Variants in RNMT observed in about 807,000 individuals in gnomAD.
RNMT encodes RNA guanine-7 methyltransferase.
Under a neutral mutation model 56.0 loss-of-function variants are expected in RNMT, and 27 were observed. That is an observed-to-expected ratio of 0.48 (90% CI 0.36 to 0.67). The LOEUF is 0.67. RNMT is among the 30% of genes least tolerant of loss of function. The pLI is 0.00. For synonymous variants in RNMT, 184 were observed against 176.2 expected (o/e 1.04, Z -0.35); for missense variants, 519 against 552.1 (o/e 0.94, Z 0.60).
intron 3 of RNMT, among the ~76,000 whole-genome samples, chr18:13,733,521 G>A (rs2044110218): frequency 6.6e-6 from 1 of 152,016 alleles, no homozygotes; most frequent in South Asian, 2.1e-4. Flanking sequence ...GGAATTACAG[G>A]TGTGCACCAC....
intron 3 of RNMT, among the ~76,000 whole-genome samples, chr18:13,732,735 G>GT (rs1298644478): frequency 3.6e-4 from 46 of 127,312 alleles, no homozygotes; most frequent in Non-Finnish European, 6.2e-4. Flanking sequence ...ACAGAGGGGA[G>GT]CCCCCCCTTT....
chr18:13,760,767 G>T lies in RNMT; in HGVS notation c.*788G>T, dbSNP rs1486534979. ...GTGAAAATCCCTCCCATGTAGACAT[G>T]TTGCACATTTTTTCCAAATTTATAC... On this transcript the variant is annotated 3_prime_UTR_variant, in exon 12 of 12. Transcript: ENST00000383314. 1.0e-6 allele frequency: 1 copy of T among 985,194 alleles called. No homozygotes were observed. The highest frequency in any genetic ancestry group is 1.2e-6 in the Non-Finnish European group (1 of 829,862). 61.0% of individuals were successfully genotyped at this position (985,194 alleles called of 1,614,324 possible).
intron 8 of RNMT, among the ~76,000 whole-genome samples, chr18:13,744,739 A>G (rs1050797492): frequency 3.3e-5 from 5 of 152,054 alleles, no homozygotes; most frequent in South Asian, 2.1e-4. Context: ...CCCTTACCCT[A>G]TCCCCTCAAA....
intron 1 of RNMT, among the ~76,000 whole-genome samples, chr18:13,729,356 T>TA (rs1281426035): frequency 1.3e-5 from 2 of 152,248 alleles, no homozygotes; most frequent in Non-Finnish European, 2.9e-5. Context: ...ACATCTGTGA[T>TA]ATCATGAAAG....
chr18:13,742,771 T>TC, intron 8 of RNMT, 119 bp downstream of exon 8: 1 of 738,226 alleles, frequency 1.4e-6, no homozygotes, highest in Non-Finnish European at 2.1e-6. Context: ...AAGTATAATC[T>TC]TGTTTTTTTG....
Position 13,763,309 on chromosome 18 carries a change from C to A in RNMT, c.*3330C>A. ...TTAGCAGATGCATACAGGACTGGAT[C>A]CCAGGGCACTGTCAGTTCTTCCCTC... On this transcript the variant is annotated 3_prime_UTR_variant, in exon 12 of 12. Transcript: ENST00000383314. 1 of 356,088 alleles carries A rather than the reference C, an allele frequency of 2.8e-6. No homozygotes were observed. Among genetic ancestry groups the A allele is most frequent in the Non-Finnish European group, 5.7e-6 (1 of 176,724 alleles). 22.1% of individuals were successfully genotyped at this position (356,088 alleles called of 1,614,324 possible). A position where few individuals can be genotyped will look rare whatever the true frequency, so the allele number is the denominator to read the frequency against.
At chr18:13,729,826 G>A (rs982466964) in intron 1 of RNMT, among the ~76,000 whole-genome samples, 2 of 150,818 alleles carry the variant, frequency 1.3e-5, no homozygotes, top group Non-Finnish European at 2.9e-5. Context: ...TTTAAGTGGG[G>A]TCTCACTTTG....
At chr18:13,736,789 C>CGA (rs2044163898) in intron 4 of RNMT, among the ~76,000 whole-genome samples, 1 of 152,034 alleles carries the variant, frequency 6.6e-6, no homozygotes, top group African/African-American at 2.4e-5. Context: ...CCTTTATTTT[C>CGA]CAAAACACCA....
At chr18:13,736,284 A>C (rs2044156352) in intron 4 of RNMT, among the ~76,000 whole-genome samples, 2 of 152,234 alleles carry the variant, frequency 1.3e-5, no homozygotes, top group Non-Finnish European at 2.9e-5. Flanking sequence ...AAAGACAAGG[A>C]GAATGTATCT....
At chr18:13,729,310 T>C (rs2044028817) in intron 1 of RNMT, among the ~76,000 whole-genome samples, 1 of 152,254 alleles carries the variant, frequency 6.6e-6, no homozygotes, top group Non-Finnish European at 1.5e-5. Flanking sequence ...GAATGCTGTG[T>C]CATTTCTTCT....
intron 9 of RNMT, among the ~76,000 whole-genome samples, chr18:13,749,373 C>G (rs2044403757): frequency 6.6e-6 from 1 of 152,134 alleles, no homozygotes; most frequent in African/African-American, 2.4e-5. Flanking sequence ...GGATGTGATA[C>G]AAAGTAAAGT....
chr18:13,731,561 T>C lies in RNMT; in HGVS notation c.44T>C (p.Leu15Pro). The C allele has an allele frequency of 1.2e-6, 2 of 1,609,582 alleles. No homozygotes were observed. Among genetic ancestry groups the C allele is most frequent in the South Asian group, 1.1e-5 (1 of 90,112 alleles). ...GCAGAAGAATATGAAAAGATGTCTC[T>C]TGAACAGGCAAAAGCGTCAGTGAAT... ...AKAEEYEKMSLEQAKASVNSE... is the reference protein window; with the variant it reads ...AKAEEYEKMSPEQAKASVNSE... Residue 15 changes from leucine (L) to proline (P), a missense_variant, in exon 3 of 12, where the codon CTT (leucine) becomes CCT (proline). Leu to Pro is a moderately conservative substitution (Grantham distance 98). Transcript: ENST00000383314.
At chr18:13,740,062 C>T in intron 5 of RNMT, 105 bp from the exon 6 acceptor site, 1 of 694,152 alleles carries the variant, frequency 1.4e-6, no homozygotes, top group Non-Finnish European at 2.5e-6. Context: ...AACCTTTTCA[C>T]TGGTACTAAG....
intron 9 of RNMT, among the ~76,000 whole-genome samples, chr18:13,751,031 A>G (rs1304217762): frequency 2.0e-5 from 3 of 152,220 alleles, no homozygotes; most frequent in Non-Finnish European, 4.4e-5. Context: ...AACCTAGGCA[A>G]TACCATTCAG....
At chr18:13,739,800 GA>G (rs2044222508) in intron 5 of RNMT, among the ~76,000 whole-genome samples, 1 of 152,088 alleles carries the variant, frequency 6.6e-6, no homozygotes, top group Non-Finnish European at 1.5e-5. Context: ...AAGAAAAAAA[GA>G]AAAGGGCTAA....
chr18:13,746,156 A>T, intron 8 of RNMT, 64 bp from the exon 9 acceptor site: 1 of 840,258 alleles, frequency 1.2e-6, no homozygotes, highest in Non-Finnish European at 1.9e-6. Context: ...ATTGCTGTAC[A>T]AAAGTAAGTT....
intron 3 of RNMT, among the ~76,000 whole-genome samples, chr18:13,733,409 G>A (rs1568498972): frequency 6.6e-6 from 1 of 151,772 alleles, no homozygotes; most frequent in Non-Finnish European, 1.5e-5. Flanking sequence ...TGAGAGTCTC[G>A]CTCTGTTGCC....
chr18:13,734,178 C>T (rs1364551090), intron 3 of RNMT, among the ~76,000 whole-genome samples: 1 of 152,164 alleles, frequency 6.6e-6, no homozygotes, highest in Non-Finnish European at 1.5e-5. Context: ...TGTGAGGCCT[C>T]CCCCGCCACG....
chr18:13,736,323 A>G (rs1187972739), intron 4 of RNMT, among the ~76,000 whole-genome samples: 1 of 152,096 alleles, frequency 6.6e-6, no homozygotes, highest in East Asian at 1.9e-4. Flanking sequence ...AAGTTTTAGA[A>G]CTGTTGAATA....
Sources: gnomAD v4.1 joint callset for allele counts (sites outside exome capture counted in the v4.1 genomes callset) on GRCh38, gnomAD v4.1.1 for gene constraint, MANE v1.5 for transcripts, NCBI Gene and HGNC (gene_info 2026-07-23, HGNC 2026-07-21) for gene names.